The following CNTN5 variants were observed in gnomAD, a reference collection of about 807,000 sequenced individuals.
The protein encoded by CNTN5 is contactin 5.
CNTN5 carries 77 observed loss-of-function variants against 129.1 expected under a neutral mutation model. That is an observed-to-expected ratio of 0.60 (90% confidence interval 0.50 to 0.72). The LOEUF (loss-of-function observed/expected upper bound fraction) is 0.72. Among genes scored for constraint, CNTN5 ranks in the 30% least tolerant of loss-of-function variants. The probability of loss-of-function intolerance (pLI) is 0.00; values close to 1 mark genes in which losing one functional copy is unlikely to be tolerated. For synonymous variants in CNTN5, 509 were observed against 465.6 expected (o/e 1.09, Z -1.20); for missense variants, 1,478 against 1,328.8 (o/e 1.11, Z -1.75).
Position 99,487,739 on chromosome 11 carries a change from A to T in CNTN5, c.-70-68406A>T, listed in dbSNP as rs558309379. Among the ~76,000 whole-genome samples the T allele has an allele frequency of 4.6e-5, 7 of 152,218 alleles. No homozygotes were observed. The South Asian group carries it at 1.5e-3, about 32-fold the overall frequency. ...GTCTTAATTTCTTTTCAACCAGGAG[A>T]CTCCTTTAATCCTATGAAAATTTGC... is the stretch of plus-strand genomic sequence containing the variant. On this transcript the variant is annotated intron_variant, in intron 2 of 24. Coordinates refer to ENST00000524871, the MANE Select transcript of CNTN5 (RefSeq NM_014361.4).
intron 13 of CNTN5, among the ~76,000 whole-genome samples, chr11:100,118,738 A>G (rs1203303045): frequency 6.6e-6 from 1 of 151,912 alleles, no homozygotes; most frequent in Non-Finnish European, 1.5e-5. Context: ...GAGTACAATA[A>G]GCCATTTTAA....
chr11:99,382,844 ACTTTTTTTT>A lies in CNTN5; in HGVS notation c.-71+57361_-71+57369del, dbSNP rs1396646443. The stretch of plus-strand genomic sequence containing the variant: ...CACATCTCACTAGTGTCTCTAAATA[ACTTTTTTTT>A]TTTTTTTTTTTTTTTTTTTTTTAGA... On this transcript the variant is annotated intron_variant, in intron 2 of 24. Transcript: ENST00000524871. Among the ~76,000 whole-genome samples the A allele has an allele frequency of 1.1e-3, 78 of 69,416 alleles. 3 individuals carry two copies. The Middle Eastern group carries it at 0.033, about 29-fold the overall frequency. 45.5% of individuals were successfully genotyped at this position (69,416 alleles called of 152,430 possible).
chr11:100,355,916 A>T (rs1421224346), intron 24 of CNTN5, among the ~76,000 whole-genome samples: 1 of 151,766 alleles, frequency 6.6e-6, no homozygotes, highest in African/African-American at 2.4e-5. Context: ...CACCTTTTCA[A>T]TACAATATCT....
intron 2 of CNTN5, among the ~76,000 whole-genome samples, chr11:99,351,197 T>C (rs1938275913): frequency 6.6e-6 from 1 of 152,214 alleles, no homozygotes; most frequent in Admixed American, 6.5e-5. Context: ...AACTCCCTGT[T>C]ATACTAGTAA....
intron 7 of CNTN5, among the ~76,000 whole-genome samples, chr11:99,931,740 A>G (rs186286046): frequency 2.0e-5 from 3 of 152,324 alleles, no homozygotes; most frequent in Admixed American, 6.5e-5. Flanking sequence ...AATGCAGACA[A>G]GTTAGTGTGC....
intron 13 of CNTN5, among the ~76,000 whole-genome samples, chr11:100,140,860 AAG>A (rs1348945960): frequency 1.3e-5 from 2 of 152,154 alleles, no homozygotes. Context: ...CTGGTGATGT[AAG>A]AGTCAAAGTT....
At chr11:99,598,304 CTTTTCTTT>C in intron 3 of CNTN5, among the ~76,000 whole-genome samples, 1 of 40,700 alleles carries the variant, frequency 2.5e-5, no homozygotes. Flanking sequence ...CTTTTCTTTT[CTTTTCTTT>C]TCTTTTCTTT....
At chr11:99,187,569 T>G (rs1054605832) in intron 1 of CNTN5, among the ~76,000 whole-genome samples, 1 of 151,928 alleles carries the variant, frequency 6.6e-6, no homozygotes, top group African/African-American at 2.4e-5. Flanking sequence ...ATTTTATGTA[T>G]TCTTATGATG....
intron 2 of CNTN5, among the ~76,000 whole-genome samples, chr11:99,401,558 G>A (rs1265671685): frequency 6.6e-6 from 1 of 152,042 alleles, no homozygotes; most frequent in Non-Finnish European, 1.5e-5. Context: ...GATAGCTTTG[G>A]TTGTTCTGTA....
chr11:100,227,755 T>A (rs1159687172), intron 16 of CNTN5, among the ~76,000 whole-genome samples: 7 of 152,170 alleles, frequency 4.6e-5, no homozygotes, highest in African/African-American at 1.7e-4. Context: ...TTTTAGTCAC[T>A]TAAGTGTGCT....
At chr11:99,075,522 AC>A (rs1360684679) in intron 1 of CNTN5, among the ~76,000 whole-genome samples, 1 of 152,218 alleles carries the variant, frequency 6.6e-6, no homozygotes, top group Non-Finnish European at 1.5e-5. Context: ...ATTAGAAACA[AC>A]ATTTCAACCT....
intron 1 of CNTN5, among the ~76,000 whole-genome samples, chr11:99,158,001 G>C (rs1860416976): frequency 6.6e-6 from 1 of 152,106 alleles, no homozygotes; most frequent in Admixed American, 6.6e-5. Context: ...CACTACCTTT[G>C]TGTTATGCTA....
intron 3 of CNTN5, among the ~76,000 whole-genome samples, chr11:99,746,583 C>T (rs780638999): frequency 1.1e-4 from 17 of 152,168 alleles, no homozygotes; most frequent in Non-Finnish European, 1.9e-4. Context: ...TAGATTCTCA[C>T]AGGAGCAGAG....
intron 3 of CNTN5, among the ~76,000 whole-genome samples, chr11:99,665,413 A>G (rs889804566): frequency 1.4e-4 from 21 of 151,870 alleles, no homozygotes; most frequent in African/African-American, 4.8e-4. Flanking sequence ...CATTAATGAT[A>G]CTATAGGAAT....
At chr11:100,148,436 C>G (rs1946930425) in intron 13 of CNTN5, among the ~76,000 whole-genome samples, 1 of 152,070 alleles carries the variant, frequency 6.6e-6, no homozygotes, top group South Asian at 2.1e-4. Flanking sequence ...TTCTCTTTTC[C>G]CTGCCCTTCC....
chr11:99,193,778 T>G (rs2135598587), intron 1 of CNTN5, among the ~76,000 whole-genome samples: 1 of 152,270 alleles, frequency 6.6e-6, no homozygotes, highest in East Asian at 1.9e-4. Context: ...TCAGGGGAAT[T>G]ACATTAGAAT....
chr11:99,472,482 T>C (rs1945213230), intron 2 of CNTN5, among the ~76,000 whole-genome samples: 1 of 152,176 alleles, frequency 6.6e-6, no homozygotes, highest in Admixed American at 6.5e-5. Context: ...AGTTTTGCAC[T>C]ATGCTTAGTT....
intron 13 of CNTN5, among the ~76,000 whole-genome samples, chr11:100,089,491 C>T (rs1023945186): frequency 6.6e-6 from 1 of 152,132 alleles, no homozygotes; most frequent in African/African-American, 2.4e-5. Context: ...TTGAGTAAGA[C>T]AGTGTGGCCA....
At chr11:99,866,060 G>C (rs1164336729) in intron 6 of CNTN5, among the ~76,000 whole-genome samples, 1 of 152,044 alleles carries the variant, frequency 6.6e-6, no homozygotes, top group Non-Finnish European at 1.5e-5. Flanking sequence ...CAACATCCAG[G>C]GTCATGTGAG....
Sources: gnomAD v4.1 joint callset for allele counts (sites outside exome capture counted in the v4.1 genomes callset) on GRCh38, gnomAD v4.1.1 for gene constraint, MANE v1.5 for transcripts, NCBI Gene and HGNC (gene_info 2026-07-23, HGNC 2026-07-21) for gene names.